Variants in DST observed in about 807,000 individuals in gnomAD.
DST encodes the protein bullous pemphigoid antigen.
DST carries 253 observed loss-of-function variants against 875.2 expected under a neutral mutation model. The observed-to-expected ratio is 0.29, with a 90% CI of 0.26 to 0.32. The LOEUF (loss-of-function observed/expected upper bound fraction) is 0.32, where lower values mean the gene tolerates loss of function less well. DST is among the 10% of genes least tolerant of loss of function. The pLI is 1.00. For synonymous variants in DST, 3,124 were observed against 3,197.1 expected (o/e 0.98, Z 0.77); for missense variants, 8,287 against 9,111.6 (o/e 0.91, Z 3.68).
At chr6:56,883,752 C>T (rs1385076217) in intron 3 of DST, among the ~76,000 whole-genome samples, 1 of 152,052 alleles carries the variant, frequency 6.6e-6, no homozygotes, top group African/African-American at 2.4e-5. Context: ...TCAACTATAC[C>T]CCTATCCACA....
intron 103 of DST, among the ~76,000 whole-genome samples, 155 bp from the exon 104 acceptor site, chr6:56,459,422 A>C (rs2094206598): frequency 6.6e-6 from 1 of 152,194 alleles, no homozygotes. Context: ...TCTCTATTAC[A>C]CAAGGGTATG....
chr6:56,868,298 C>G (rs559342278), intron 3 of DST, among the ~76,000 whole-genome samples: 2 of 152,288 alleles, frequency 1.3e-5, no homozygotes, highest in South Asian at 4.1e-4. Context: ...GGTCACTGTT[C>G]TGGGCCTTAT....
intron 50 of DST, 24 bp from the exon 51 acceptor site, chr6:56,573,911 T>G (rs1161701779): frequency 1.9e-6 from 3 of 1,564,070 alleles, no homozygotes. Flanking sequence ...ATCAGGAATA[T>G]TAACCACAAA....
chr6:56,755,356 A>C (rs147375921), intron 4 of DST, among the ~76,000 whole-genome samples: 1 of 152,292 alleles, frequency 6.6e-6, no homozygotes, highest in African/African-American at 2.4e-5. Flanking sequence ...AGGTAGCAGT[A>C]GCAGAAATAC....
chr6:56,582,891 C>T (rs1270111078), intron 49 of DST, among the ~76,000 whole-genome samples: 9 of 152,036 alleles, frequency 5.9e-5, no homozygotes, highest in East Asian at 5.8e-4. Flanking sequence ...TGATGATTTC[C>T]AATTTCATCC....
intron 4 of DST, among the ~76,000 whole-genome samples, chr6:56,740,724 T>C (rs952017845): frequency 2.6e-5 from 4 of 152,162 alleles, no homozygotes; most frequent in African/African-American, 4.8e-5. Context: ...GGACAACTGA[T>C]TGCAAACAAT....
At chr6:56,893,935 G>T (rs1346861959) in intron 3 of DST, among the ~76,000 whole-genome samples, 1 of 18,192 alleles carries the variant, frequency 5.5e-5, no homozygotes, top group African/African-American at 4.0e-4. Flanking sequence ...AGATCAACAG[G>T]ATCCCAAGGC....
In DST at chr6:56,616,183, T is replaced by G. The variant is rs150845451; in HGVS notation, c.4930-1699A>C. On this transcript the variant is annotated intron_variant, in intron 36 of 103. Transcript: ENST00000680361. ...GGCTCAGCAAAGAATCAGCAAGTTC[T>G]GTAAGTGTGATGAGGCCTTCCTGAT... 49 of 1,614,114 alleles carry G rather than the reference T, an allele frequency of 3.0e-5. No individual in the cohort carries two copies. The East Asian group carries it at 1.1e-3, about 35-fold the overall frequency.
At chr6:56,615,185 A>C (rs1563201229) in intron 36 of DST, 28 of 1,138,110 alleles carry the variant, frequency 2.5e-5, no homozygotes, top group Non-Finnish European at 2.9e-5. Context: ...ATCACTATTC[A>C]ATGAAGGGGA....
chr6:56,791,493 A>T (rs2099723513), intron 4 of DST, among the ~76,000 whole-genome samples: 1 of 152,158 alleles, frequency 6.6e-6, no homozygotes, highest in Non-Finnish European at 1.5e-5. Flanking sequence ...ATGATTTAAA[A>T]ATTAGCTACC....
intron 2 of DST, among the ~76,000 whole-genome samples, chr6:56,942,875 C>G (rs776027922): frequency 6.6e-6 from 1 of 151,896 alleles, no homozygotes; most frequent in Non-Finnish European, 1.5e-5. Flanking sequence ...CATCACCATG[C>G]CCGACAAAAT....
intron 9 of DST, among the ~76,000 whole-genome samples, chr6:56,692,129 G>C (rs2099234439): frequency 6.6e-6 from 1 of 152,170 alleles, no homozygotes; most frequent in Admixed American, 6.5e-5. Flanking sequence ...CTCTCTTACT[G>C]TAGTGCTTTT....
chr6:56,517,090 G>T, intron 71 of DST, 108 bp downstream of exon 71: 1 of 795,556 alleles, frequency 1.3e-6, no homozygotes, highest in Non-Finnish European at 2.2e-6. Context: ...TATTTTTGCT[G>T]CTTAAATGGC....
intron 98 of DST, among the ~76,000 whole-genome samples, chr6:56,468,289 A>G (rs370266552): frequency 6.6e-6 from 1 of 151,918 alleles, no homozygotes; most frequent in East Asian, 1.9e-4. Context: ...ATGTCAACAT[A>G]AACATTTTAT....
intron 4 of DST, among the ~76,000 whole-genome samples, chr6:56,822,781 T>G (rs925920340): frequency 7.2e-5 from 11 of 151,732 alleles, no homozygotes; most frequent in Non-Finnish European, 8.8e-5. Flanking sequence ...TACAGCCACT[T>G]TAAAAAAAAA....
chr6:56,521,883 C>G (rs909631487), intron 69 of DST, among the ~76,000 whole-genome samples: 1 of 151,994 alleles, frequency 6.6e-6, no homozygotes, highest in African/African-American at 2.4e-5. Flanking sequence ...GAGAAATACA[C>G]TAGGTCAAAT....
At chr6:56,579,133 C>A (rs1358017569) in intron 49 of DST, among the ~76,000 whole-genome samples, 196 bp from the exon 50 acceptor site, 1 of 152,216 alleles carries the variant, frequency 6.6e-6, no homozygotes, top group Non-Finnish European at 1.5e-5. Context: ...AAAGCATCAG[C>A]CAGTCTGGAT....
chr6:56,525,798 G>A (rs1314576830), intron 69 of DST, among the ~76,000 whole-genome samples: 1 of 152,166 alleles, frequency 6.6e-6, no homozygotes, highest in Non-Finnish European at 1.5e-5. Context: ...GCTAAGGGCT[G>A]AATGCCTATA....
At chr6:56,712,750 T>C (rs183847804) in intron 5 of DST, among the ~76,000 whole-genome samples, 56 of 152,318 alleles carry the variant, frequency 3.7e-4, no homozygotes, top group African/African-American at 1.3e-3. Flanking sequence ...GAATTGTAAA[T>C]ACTTTAAAAT....
Sources: gnomAD v4.1 joint callset for allele counts (sites outside exome capture counted in the v4.1 genomes callset) on GRCh38, gnomAD v4.1.1 for gene constraint, MANE v1.5 for transcripts, NCBI Gene and HGNC (gene_info 2026-07-23, HGNC 2026-07-21) for gene names.